Variants in PRKCE observed in about 807,000 individuals in gnomAD.
PRKCE encodes protein kinase C epsilon type.
A neutral mutation model predicts 85.4 loss-of-function variants in PRKCE; 16 were observed. The ratio of observed to expected loss-of-function variants is 0.19; its 90% CI spans 0.13 to 0.28. The LOEUF is 0.28. PRKCE is among the 10% of genes least tolerant of loss of function. The pLI is 1.00. For synonymous variants in PRKCE, 388 were observed against 371.5 expected, an observed-to-expected ratio of 1.04 and a Z score of -0.51; for missense variants, 573 against 975.2, an observed-to-expected ratio of 0.59 and a Z score of 5.49.
intron 1 of PRKCE, among the ~76,000 whole-genome samples, chr2:45,783,311 C>T (rs1686341530): frequency 6.6e-6 from 1 of 152,236 alleles, no homozygotes; most frequent in Admixed American, 6.5e-5. Context: ...CATCATCCTG[C>T]TGGTGGCTGT....
At chr2:45,923,930 C>T (rs776635158) in intron 2 of PRKCE, among the ~76,000 whole-genome samples, 12 of 152,074 alleles carry the variant, frequency 7.9e-5, no homozygotes, top group African/African-American at 1.7e-4. Flanking sequence ...TGTTCTTGGG[C>T]GCAGCAGGAA....
intron 6 of PRKCE, among the ~76,000 whole-genome samples, chr2:45,988,437 T>G (rs1400729842): frequency 6.6e-6 from 1 of 152,162 alleles, no homozygotes; most frequent in African/African-American, 2.4e-5. Context: ...AGCATAATTA[T>G]GTCTGCTTTT....
chr2:45,853,119 T>G (rs931015970), intron 2 of PRKCE, among the ~76,000 whole-genome samples: 1 of 152,190 alleles, frequency 6.6e-6, no homozygotes, highest in African/African-American at 2.4e-5. Flanking sequence ...CTTCTCAAAA[T>G]CAATGCCTTT....
intron 13 of PRKCE, among the ~76,000 whole-genome samples, chr2:46,152,653 A>G (rs1461178628): frequency 6.6e-6 from 1 of 151,610 alleles, no homozygotes; most frequent in Non-Finnish European, 1.5e-5. Flanking sequence ...GGTTCAAGAG[A>G]TTCTCCTGCC....
intron 1 of PRKCE, among the ~76,000 whole-genome samples, chr2:45,840,121 A>G (rs891662330): frequency 6.6e-6 from 1 of 152,168 alleles, no homozygotes; most frequent in African/African-American, 2.4e-5. Context: ...TCCCTGCTTT[A>G]CACAGATAGC....
chr2:45,814,815 G>A (rs1038637979), intron 1 of PRKCE, among the ~76,000 whole-genome samples: 1 of 152,194 alleles, frequency 6.6e-6, no homozygotes, highest in Admixed American at 6.5e-5. Flanking sequence ...AGGAGGGAGG[G>A]GAGTTTTCAT....
chr2:45,924,393 G>A (rs754320569), intron 2 of PRKCE, among the ~76,000 whole-genome samples: 2 of 152,234 alleles, frequency 1.3e-5, no homozygotes, highest in Non-Finnish European at 2.9e-5. Flanking sequence ...AAGGATGGAG[G>A]CAGAGGAGAT....
chr2:45,825,613 G>T (rs2105359377), intron 1 of PRKCE, among the ~76,000 whole-genome samples: 1 of 152,362 alleles, frequency 6.6e-6, no homozygotes, highest in East Asian at 1.9e-4. Flanking sequence ...GCTGGGCCCA[G>T]TAGCTTGCTC....
intron 2 of PRKCE, among the ~76,000 whole-genome samples, chr2:45,962,038 G>A (rs1047428437): frequency 1.3e-5 from 2 of 152,128 alleles, no homozygotes; most frequent in African/African-American, 2.4e-5. Flanking sequence ...CCCCAGCCTC[G>A]CCTTTGCTAC....
In PRKCE at chr2:45,697,470, G is replaced by T. The variant is rs1326232567; in HGVS notation, c.348+45022G>T. 6.6e-6 allele frequency among the ~76,000 whole-genome samples: 1 copy of T among 152,152 alleles called. No individual in the cohort carries two copies. On this transcript the variant is annotated intron_variant, in intron 1 of 14. Coordinates refer to ENST00000306156, the MANE Select transcript of PRKCE (RefSeq NM_005400.3). This position sits in a 1 kb window ranked among gnomAD's most constrained non-coding sequence, Gnocchi z 4.2. The stretch of plus-strand genomic sequence containing the variant: ...AGGACTAACAAACAAAACCAAACCA[G>T]AGTGGAAATGGCAACCCGAGGCTCC...
chr2:45,812,762 A>G (rs1054459250), intron 1 of PRKCE, among the ~76,000 whole-genome samples: 6 of 152,250 alleles, frequency 3.9e-5, no homozygotes, highest in African/African-American at 1.4e-4. Context: ...ACTGGATCCC[A>G]TAGCAGTAGT....
At chr2:46,165,743 C>A (rs369696708) in intron 14 of PRKCE, among the ~76,000 whole-genome samples, 32 of 152,284 alleles carry the variant, frequency 2.1e-4, no homozygotes, top group African/African-American at 7.5e-4. Context: ...CCGCTGTGTA[C>A]CCATTCCTTC....
chr2:46,130,005 G>A (rs1170193121), intron 11 of PRKCE, among the ~76,000 whole-genome samples: 1 of 152,182 alleles, frequency 6.6e-6, no homozygotes, highest in Non-Finnish European at 1.5e-5. Flanking sequence ...TAGGAAATTA[G>A]TATTTGTTTA....
chr2:45,843,814 TC>T (rs1481309225), intron 2 of PRKCE, among the ~76,000 whole-genome samples: 1 of 152,236 alleles, frequency 6.6e-6, no homozygotes, highest in Non-Finnish European at 1.5e-5. Flanking sequence ...ATTGTGGCCT[TC>T]TTTTCTCTCC....
At chr2:45,988,687 C>A (rs1364616151) in intron 6 of PRKCE, among the ~76,000 whole-genome samples, 2 of 152,200 alleles carry the variant, frequency 1.3e-5, no homozygotes, top group South Asian at 2.1e-4. Context: ...CAAGTGCCTG[C>A]TGCGTCTGAG....
chr2:45,858,646 A>G (rs2105627221), intron 2 of PRKCE, among the ~76,000 whole-genome samples: 1 of 152,242 alleles, frequency 6.6e-6, no homozygotes, highest in South Asian at 2.1e-4. Flanking sequence ...AATATCTTAA[A>G]TTTTGTATTA....
chr2:45,913,900 G>A (rs1057447367), intron 2 of PRKCE, among the ~76,000 whole-genome samples: 9 of 152,224 alleles, frequency 5.9e-5, no homozygotes, highest in African/African-American at 2.2e-4. Flanking sequence ...TGCCCAAACT[G>A]GAGTGTCTGT....
chr2:45,957,296 G>A (rs1331824769), intron 2 of PRKCE, among the ~76,000 whole-genome samples: 2 of 152,166 alleles, frequency 1.3e-5, no homozygotes, highest in African/African-American at 4.8e-5. Flanking sequence ...GTTCATTTTT[G>A]TAGAAGATAT....
intron 1 of PRKCE, among the ~76,000 whole-genome samples, chr2:45,814,890 G>C (rs905251965): frequency 6.6e-6 from 1 of 152,128 alleles, no homozygotes; most frequent in African/African-American, 2.4e-5. Context: ...ACCCAAGAAG[G>C]GTCCCGTGCT....
Sources: gnomAD v4.1 joint callset for allele counts (sites outside exome capture counted in the v4.1 genomes callset) on GRCh38, gnomAD v4.1.1 for gene constraint, Gnocchi (gnomAD v3.1) non-coding constraint, MANE v1.5 for transcripts, NCBI Gene and HGNC (gene_info 2026-07-23, HGNC 2026-07-21) for gene names.